The following GCNT4 variants were observed in gnomAD, a reference collection of about 807,000 sequenced individuals.
The protein encoded by GCNT4 is beta-1,3-galactosyl-O-glycosyl-glycoprotein beta-1,6-N-acetylglucosaminyltransferase 4.
Under a neutral mutation model 31.3 loss-of-function variants are expected in GCNT4, and 17 were observed. That is an observed-to-expected ratio of 0.54 (90% CI 0.37 to 0.81). GCNT4 has a LOEUF of 0.81. GCNT4 is among the 40% of genes least tolerant of loss of function. The pLI, the probability that GCNT4 is intolerant of heterozygous loss-of-function variation, is 0.00. For missense variants in GCNT4, 503 were observed against 525.5 expected, an observed-to-expected ratio of 0.96 and a Z score of 0.42; for synonymous variants, 158 against 190.6, an observed-to-expected ratio of 0.83 and a Z score of 1.41.
chr5:75,047,200 G>A (rs1743461299), intron 3 of GCNT4, among the ~76,000 whole-genome samples: 1 of 152,152 alleles, frequency 6.6e-6, no homozygotes, highest in Admixed American at 6.5e-5. Context: ...TTGTGTGCTT[G>A]TCTCCTGTTG....
At chr5:75,044,363 C>A (rs924868320) in intron 3 of GCNT4, among the ~76,000 whole-genome samples, 8 of 151,624 alleles carry the variant, frequency 5.3e-5, no homozygotes, top group African/African-American at 1.9e-4. Context: ...TCCTGCTTTA[C>A]TTCTGTGTAC....
chr5:75,042,638 AC>A (rs1251686883), intron 3 of GCNT4, among the ~76,000 whole-genome samples: 4 of 152,178 alleles, frequency 2.6e-5, no homozygotes, highest in Non-Finnish European at 5.9e-5. Context: ...AATGGATTAG[AC>A]ACCCTGAGTT....
At chr5:75,041,119 G>A (rs1372263485) in intron 3 of GCNT4, among the ~76,000 whole-genome samples, 2 of 152,196 alleles carry the variant, frequency 1.3e-5, no homozygotes, top group Admixed American at 6.5e-5. Flanking sequence ...TATCTTTTAT[G>A]GGCAATTCTC....
intron 3 of GCNT4, among the ~76,000 whole-genome samples, chr5:75,034,859 T>C (rs1269213823): frequency 6.6e-6 from 1 of 152,346 alleles, no homozygotes; most frequent in East Asian, 1.9e-4. Flanking sequence ...CATCCAGGCA[T>C]TGTTGGAGCC....
At chr5:75,041,468 TAG>T (rs1161917728) in intron 3 of GCNT4, among the ~76,000 whole-genome samples, 3 of 152,222 alleles carry the variant, frequency 2.0e-5, no homozygotes, top group Non-Finnish European at 4.4e-5. Context: ...ATTTGGAGAA[TAG>T]AGACCTAAAG....
Position 75,029,644 on chromosome 5 carries a change from G to A in GCNT4, c.394C>T (p.Pro132Ser). ...TGGACAACCAAAGAATAGGCTATTG[G>A]GAAGCTTTTCTCCTCCTTTGAGACA... ...KLVSKEEKSF[P>S]IAYSLVVHKD... The change falls in exon 4 of 4, where the codon CCA becomes TCA. Residue 132 changes from proline to serine, a missense_variant. Transcript: ENST00000652361. 9.3e-6 allele frequency: 15 copies of A among 1,614,056 alleles called. No individual in the cohort carries two copies. Among genetic ancestry groups the A allele is most frequent in the Non-Finnish European group, 1.3e-5 (15 of 1,180,010 alleles).
downstream of GCNT4, among the ~76,000 whole-genome samples, chr5:75,021,429 C>T (rs1027821047): frequency 6.6e-6 from 1 of 152,202 alleles, no homozygotes; most frequent in Non-Finnish European, 1.5e-5. Context: ...CTGTGAGAGG[C>T]TGTAATTGGC....
the GCNT4 span, among the ~76,000 whole-genome samples, chr5:75,017,240 CT>C: frequency 3.3e-5 from 5 of 152,218 alleles, no homozygotes; most frequent in Admixed American, 2.6e-4. Flanking sequence ...GAAGCCACAG[CT>C]TTTTTCCCCT....
At chr5:75,030,681 T>A (rs1034426933) in intron 3 of GCNT4, 4 of 167,102 alleles carry the variant, frequency 2.4e-5, no homozygotes, top group Non-Finnish European at 1.5e-5. Context: ...GATTAGCAAT[T>A]TAGCCCTTAA....
At chr5:75,024,005 T>C (rs566116160), downstream of GCNT4, 1 of 152,314 alleles carries the variant, frequency 6.6e-6, no homozygotes, top group Non-Finnish European at 1.5e-5. Flanking sequence ...GTTAACACCC[T>C]GATCATCTGT....
chr5:75,048,326 T>TA (rs1743490345), intron 2 of GCNT4, among the ~76,000 whole-genome samples: 1 of 152,148 alleles, frequency 6.6e-6, no homozygotes, highest in Admixed American at 6.5e-5. Flanking sequence ...TACCTGGATC[T>TA]AGTAAGATAA....
At chr5:75,023,613 C>T (rs945450215), downstream of GCNT4, among the ~76,000 whole-genome samples, 1 of 152,144 alleles carries the variant, frequency 6.6e-6, no homozygotes, top group South Asian at 2.1e-4. Flanking sequence ...GCCATAAAGA[C>T]CATGTAGCAA....
intron 3 of GCNT4, among the ~76,000 whole-genome samples, chr5:75,034,260 A>G (rs752652005): frequency 1.2e-4 from 19 of 152,350 alleles, no homozygotes; most frequent in Non-Finnish European, 2.5e-4. Flanking sequence ...GAACATCTGC[A>G]TAACACCCTT....
rs1742938733 is a variant in GCNT4 at position 75,025,976 on chromosome 5, C to T, written c.*2700G>A. ...TATCAAGACCAGGGAGGAAATCATA[C>T]CCAAAGGTTTTAGGGAAGAATCAGA... On this transcript the variant is annotated 3_prime_UTR_variant, in exon 4 of 4. Transcript: ENST00000652361. 6.6e-6 allele frequency: 1 copy of T among 152,104 alleles called. No homozygotes were observed. Among genetic ancestry groups the T allele is most frequent in the African/African-American group, 2.4e-5 (1 of 41,434 alleles). The allele number at this position is 152,104 out of a possible 1,614,324, so 9.4% of individuals were successfully genotyped here.
intron 3 of GCNT4, among the ~76,000 whole-genome samples, chr5:75,039,569 CATGGTCCAATTTTCAACT>C (rs969968044): frequency 7.2e-5 from 11 of 152,154 alleles, no homozygotes; most frequent in Non-Finnish European, 1.2e-4. Context: ...GATTTTCAAC[CATGGTCCAATTTTCAACT>C]ATGGTCCAAT....
chr5:75,042,969 G>A (rs61207691), intron 3 of GCNT4, among the ~76,000 whole-genome samples: 17,326 of 152,058 alleles, frequency 0.11, 1,081 homozygotes, highest in African/African-American at 0.16. Flanking sequence ...GGAAAATTCC[G>A]CCACAATAGG....
chr5:75,035,748 G>A (rs1428545750), intron 3 of GCNT4, among the ~76,000 whole-genome samples: 2 of 152,150 alleles, frequency 1.3e-5, no homozygotes. Flanking sequence ...CAGAGGGATG[G>A]GCAGGCCGCC....
Position 75,026,948 on chromosome 5 carries a change from G to C in GCNT4, c.*1728C>G, listed in dbSNP as rs1048421879. On this transcript the variant is annotated 3_prime_UTR_variant, in exon 4 of 4. Coordinates refer to ENST00000652361, the MANE Select transcript of GCNT4 (RefSeq NM_001366737.1). The stretch of plus-strand genomic sequence containing the variant: ...AGAAAGGGAGCGAGAAGTGGTGTCA[G>C]TTGGCAGTTAGTATTATGAACTTTA... 7 of 152,062 alleles carry C rather than the reference G, an allele frequency of 4.6e-5. No homozygotes were observed. Among genetic ancestry groups the C allele is most frequent in the Non-Finnish European group, 8.8e-5 (6 of 68,004 alleles). 9.4% of individuals were successfully genotyped at this position (152,062 alleles called of 1,614,324 possible). A position where few individuals can be genotyped will look rare whatever the true frequency, so the allele number is the denominator to read the frequency against.
At chr5:75,053,187 C>T (rs1005071011), upstream of GCNT4, among the ~76,000 whole-genome samples, 1 of 150,580 alleles carries the variant, frequency 6.6e-6, no homozygotes, top group African/African-American at 2.5e-5. Context: ...CCGCGGGGAG[C>T]CCCGAAGTTG....
Sources: gnomAD v4.1 joint callset for allele counts (sites outside exome capture counted in the v4.1 genomes callset) on GRCh38, gnomAD v4.1.1 for gene constraint, MANE v1.5 for transcripts, NCBI Gene and HGNC (gene_info 2026-07-23, HGNC 2026-07-21) for gene names.